The following NEB variants were observed in gnomAD, a reference collection of about 807,000 sequenced individuals.
NEB encodes the protein nebulin.
A neutral mutation model predicts 952.2 loss-of-function variants in NEB; 512 were observed. That is an observed-to-expected ratio of 0.54 (90% CI 0.50 to 0.58). NEB has a LOEUF of 0.58. NEB is among the 20% of genes least tolerant of loss of function. The pLI is 0.00. For synonymous variants in NEB, 2,900 were observed against 3,149.8 expected, an observed-to-expected ratio of 0.92 and a Z score of 2.66; for missense variants, 8,428 against 9,231.1, an observed-to-expected ratio of 0.91 and a Z score of 3.56.
chr2:151,513,858 G>A (rs764836534), intron 159 of NEB, among the ~76,000 whole-genome samples, 165 bp from the exon 160 acceptor site: 1 of 152,206 alleles, frequency 6.6e-6, no homozygotes, highest in Non-Finnish European at 1.5e-5. Flanking sequence ...ATGAAGTGGT[G>A]TCTTCAGAAG....
At chr2:151,554,724 A>C (rs932845638) in intron 125 of NEB, among the ~76,000 whole-genome samples, 2 of 152,196 alleles carry the variant, frequency 1.3e-5, no homozygotes, top group Non-Finnish European at 2.9e-5. Context: ...GTTTAGATAC[A>C]CAAATACTTG....
rs2097739146 is a variant in NEB at position 151,607,218 on chromosome 2, A to C, written c.12639+286T>G. ...CAAATGAAAAAGTCCTGGATCAATTAAAAAAACCTAAGATGATAACAGAGA... is the reference window on the plus strand; with the variant it reads ...CAAATGAAAAAGTCCTGGATCAATTCAAAAAACCTAAGATGATAACAGAGA... On this transcript the variant is annotated intron_variant, in intron 83 of 181. Transcript: ENST00000397345. 2.9e-5 allele frequency among the ~76,000 whole-genome samples: 3 copies of C among 103,658 alleles called. 1 individual carries two copies. Among genetic ancestry groups the C allele is most frequent in the Admixed American group, 2.6e-4 (2 of 7,766 alleles). The allele number at this position is 103,658 out of a possible 152,430, so 68.0% of individuals were successfully genotyped here. A position where few individuals can be genotyped will look rare whatever the true frequency, so the allele number is the denominator to read the frequency against.
intron 171 of NEB, 53 bp downstream of exon 171, chr2:151,497,573 A>AAAGT (rs1270616957): frequency 6.5e-7 from 1 of 1,535,798 alleles, no homozygotes; most frequent in Non-Finnish European, 8.8e-7. Flanking sequence ...TTAAATCATG[A>AAAGT]AAGTTTTCAA....
chr2:151,535,837 T>G (rs1174668758), intron 141 of NEB, 42 bp from the exon 142 acceptor site: 1 of 1,091,052 alleles, frequency 9.2e-7, no homozygotes, highest in East Asian at 2.5e-5. Context: ...CAGGCTATGA[T>G]TATCTTAAGA....
At position 151,654,936 on chromosome 2, in the gene NEB, C is replaced by T. The variant is rs7567137; in HGVS notation, c.6807+334G>A. ...TTCAGAGCTCAAGGGATCCTCCTGC[C>T]TCAGCTTCCTGAGTAGCTGGGACTA... On this transcript the variant is annotated intron_variant, in intron 51 of 181. Transcript: ENST00000397345. 2.6e-3 allele frequency among the ~76,000 whole-genome samples: 392 copies of T among 152,310 alleles called. 4 individuals are homozygous for T. The highest frequency in any genetic ancestry group is 8.7e-3 in the African/African-American group (360 of 41,572).
chr2:151,516,185 A>G (rs968024627), intron 157 of NEB, among the ~76,000 whole-genome samples: 5 of 152,210 alleles, frequency 3.3e-5, no homozygotes, highest in Admixed American at 1.3e-4. Flanking sequence ...AATTACATTC[A>G]GTATAATTTG....
Position 151,568,727 on chromosome 2 carries a change from G to T in NEB, c.17536-11C>A. ...TGTGCGATATTTTTTCTATGGGAAA[G>T]AAAGCATCTTTTAGATAGTTGTAAT... On this transcript the variant is annotated splice_polypyrimidine_tract_variant and intron_variant, in intron 110 of 181. Transcript: ENST00000397345. 2.6e-6 allele frequency: 4 copies of T among 1,553,680 alleles called. No homozygotes were observed.
intron 156 of NEB, among the ~76,000 whole-genome samples, chr2:151,517,464 T>C (rs763275435): frequency 1.2e-4 from 18 of 152,360 alleles, no homozygotes; most frequent in Admixed American, 1.3e-4. Context: ...ATTTGTGATA[T>C]AGGAGGTCAT....
intron 169 of NEB, among the ~76,000 whole-genome samples, chr2:151,498,744 T>C (rs10497082): frequency 0.26 from 39,712 of 151,958 alleles, 6,195 homozygotes; most frequent in Non-Finnish European, 0.36. Context: ...ATATTTGGGT[T>C]TTACAAACAT....
At position 151,671,229 on chromosome 2, in the gene NEB, T is replaced by G. The variant is rs777334640; in HGVS notation, c.4300A>C (p.Asn1434His). Residue 1434 changes from asparagine to histidine, a missense_variant and splice_region_variant, in exon 38 of 182, where the codon AAT becomes CAT. Asn to His is a moderately conservative substitution (Grantham distance 68, BLOSUM62 1). Transcript: ENST00000397345. ...CTGTTATACTCGTCTTTATACACAT[T>G]CTGTAAAAGGGTAAGCTAATATGAG... ...TRNVNQIQSD[N>H]VYKDEYNSFL... 2 of 1,610,468 alleles carry G rather than the reference T, an allele frequency of 1.2e-6. No individual in the cohort carries two copies. Among genetic ancestry groups the G allele is most frequent in the Non-Finnish European group, 8.5e-7 (1 of 1,176,964 alleles).
chr2:151,534,811 T>C (rs780420354), intron 142 of NEB, among the ~76,000 whole-genome samples: 3 of 152,172 alleles, frequency 2.0e-5, no homozygotes, highest in Admixed American at 1.3e-4. Flanking sequence ...TATATCAAGA[T>C]TGTATTCATA....
intron 128 of NEB, among the ~76,000 whole-genome samples, 160 bp downstream of exon 128, chr2:151,552,512 A>G (rs2095400592): frequency 6.6e-6 from 1 of 152,188 alleles, no homozygotes; most frequent in Non-Finnish European, 1.5e-5. Flanking sequence ...GGTTTCAGGA[A>G]ACAATAGCCA....
chr2:151,708,206 G>A (rs908517402), intron 12 of NEB, among the ~76,000 whole-genome samples: 1 of 152,098 alleles, frequency 6.6e-6, no homozygotes, highest in African/African-American at 2.4e-5. Context: ...TGATGCTTTT[G>A]TTTCGTATCT....
At position 151,497,447 on chromosome 2, in the gene NEB, A is replaced by T. The variant is rs1575008576; in HGVS notation, c.24300+179T>A. ...ATAAAAAATTGAAATTAACTGTATT[A>T]TAGAAATGGGAATGGTGTTAGGCTA... On this transcript the variant is annotated intron_variant, in intron 171 of 181. Transcript: ENST00000397345. 6 of 981,752 alleles carry T rather than the reference A, an allele frequency of 6.1e-6. No homozygotes were observed. In the Admixed American group the frequency reaches 3.1e-4, roughly 50 times the overall value. The allele number at this position is 981,752 out of a possible 1,614,324, so 60.8% of individuals were successfully genotyped here. A position where few individuals can be genotyped will look rare whatever the true frequency, so the allele number is the denominator to read the frequency against.
chr2:151,496,934 C>CAAGT lies in NEB; in HGVS notation c.24393+3_24393+6dup. ...TAAGTAGTTTTTTTCTTTTCTTGCC[C>CAAGT]AAGTACCGAGCTAATATTTTCTTGA... On this transcript the variant is annotated splice_region_variant and intron_variant, in intron 172 of 181. Transcript: ENST00000397345. The CAAGT allele has an allele frequency of 6.4e-7, 1 of 1,562,780 alleles. No individual in the cohort carries two copies.
chr2:151,713,540 A>T (rs543688476), intron 10 of NEB, among the ~76,000 whole-genome samples: 35 of 152,150 alleles, frequency 2.3e-4, no homozygotes, highest in South Asian at 1.7e-3. Flanking sequence ...TTAGTTTTTT[A>T]AAAAAAATTT....
chr2:151,519,490 GT>G (rs1237846127), intron 154 of NEB, among the ~76,000 whole-genome samples, 167 bp downstream of exon 154: 1 of 152,168 alleles, frequency 6.6e-6, no homozygotes, highest in African/African-American at 2.4e-5. Context: ...GGAATGGAGA[GT>G]TTTTGCTTAA....
chr2:151,538,099 G>A, intron 139 of NEB, 41 bp downstream of exon 139: 1 of 1,537,844 alleles, frequency 6.5e-7, no homozygotes, highest in East Asian at 2.3e-5. Flanking sequence ...TATATGGTGA[G>A]TTGTAGAGCC....
At chr2:151,541,344 G>A in intron 136 of NEB, 103 bp downstream of exon 136, 1 of 781,784 alleles carries the variant, frequency 1.3e-6, no homozygotes, top group Non-Finnish European at 2.1e-6. Context: ...GTTGCAGCCA[G>A]GACAACCAAG....
Sources: gnomAD v4.1 joint callset for allele counts (sites outside exome capture counted in the v4.1 genomes callset) on GRCh38, gnomAD v4.1.1 for gene constraint, MANE v1.5 for transcripts, NCBI Gene and HGNC (gene_info 2026-07-23, HGNC 2026-07-21) for gene names.